NCAM2: variants seen among roughly 807,000 people sequenced by gnomAD.
NCAM2 encodes the protein N-CAM-2.
A neutral mutation model predicts 98.1 loss-of-function variants in NCAM2; 30 were observed. The observed-to-expected ratio is 0.31, with a 90% confidence interval of 0.23 to 0.41. The LOEUF (loss-of-function observed/expected upper bound fraction) is 0.41, where lower values mean the gene tolerates loss of function less well. Among genes scored for constraint, NCAM2 ranks in the 10% least tolerant of loss-of-function variants. The pLI is 1.00. For synonymous variants in NCAM2, 368 were observed against 342.4 expected, an observed-to-expected ratio of 1.07 and a Z score of -0.83; for missense variants, 867 against 1,005.8, an observed-to-expected ratio of 0.86 and a Z score of 1.87.
At chr21:21,098,806 G>A (rs2066178433) in intron 1 of NCAM2, among the ~76,000 whole-genome samples, 2 of 151,780 alleles carry the variant, frequency 1.3e-5, no homozygotes, top group Admixed American at 1.3e-4. Context: ...ATATCCTGAT[G>A]GCAGCAATTT....
At chr21:21,423,950 C>A (rs1394823682) in intron 11 of NCAM2, among the ~76,000 whole-genome samples, 1 of 152,080 alleles carries the variant, frequency 6.6e-6, no homozygotes, top group Admixed American at 6.6e-5. Context: ...GAATTATGGC[C>A]GATCTACTGG....
At chr21:21,258,431 CA>C (rs1319761432) in intron 1 of NCAM2, among the ~76,000 whole-genome samples, 1 of 152,102 alleles carries the variant, frequency 6.6e-6, no homozygotes, top group Non-Finnish European at 1.5e-5. Flanking sequence ...GTGAAAAAAA[CA>C]AAAGCAGAGA....
At chr21:21,169,165 G>T (rs1056659633) in intron 1 of NCAM2, among the ~76,000 whole-genome samples, 4 of 152,002 alleles carry the variant, frequency 2.6e-5, no homozygotes, top group Admixed American at 6.6e-5. Context: ...TTTGATAAAG[G>T]AGCAAAGGTA....
intron 16 of NCAM2, among the ~76,000 whole-genome samples, chr21:21,530,285 T>TAATTATATATAATTAAATTA (rs1251156902): frequency 1.6e-5 from 2 of 121,606 alleles, no homozygotes; most frequent in African/African-American, 3.2e-5. Flanking sequence ...TAATTTAATT[T>TAATTATATATAATTAAATTA]AATTATATAT....
intron 1 of NCAM2, among the ~76,000 whole-genome samples, chr21:21,170,532 CA>C (rs2068088602): frequency 6.6e-6 from 1 of 152,088 alleles, no homozygotes; most frequent in South Asian, 2.1e-4. Context: ...ACTCTGGAGA[CA>C]GCAAAATGAT....
intron 1 of NCAM2, 30 bp downstream of exon 1, chr21:20,998,648 T>C (rs1030869130): frequency 1.2e-5 from 19 of 1,607,546 alleles, no homozygotes; most frequent in Non-Finnish European, 1.4e-5. Flanking sequence ...TTGCATTTAC[T>C]TTCCCTCCCC....
chr21:21,343,675 A>C (rs1305568478), intron 8 of NCAM2, among the ~76,000 whole-genome samples: 1 of 152,158 alleles, frequency 6.6e-6, no homozygotes, highest in Non-Finnish European at 1.5e-5. Flanking sequence ...ACAGAGGGAC[A>C]ATTTAAACCA....
At chr21:21,258,922 T>A (rs1254186001) in intron 1 of NCAM2, among the ~76,000 whole-genome samples, 1 of 152,050 alleles carries the variant, frequency 6.6e-6, no homozygotes, top group African/African-American at 2.4e-5. Context: ...ATAAAGCTCA[T>A]CTTGGGACAA....
intron 1 of NCAM2, among the ~76,000 whole-genome samples, chr21:21,156,003 CTTCAG>C (rs1429484319): frequency 1.3e-5 from 2 of 151,904 alleles, no homozygotes; most frequent in African/African-American, 2.4e-5. Flanking sequence ...GTTCTTCTTA[CTTCAG>C]TTAAGTGTTC....
intron 1 of NCAM2, among the ~76,000 whole-genome samples, chr21:21,278,632 G>A (rs1041899434): frequency 2.6e-5 from 4 of 151,992 alleles, no homozygotes; most frequent in African/African-American, 9.7e-5. Context: ...CTGAGTATTG[G>A]TAAATTATGA....
chr21:21,172,583 G>A (rs1360073229), intron 1 of NCAM2, among the ~76,000 whole-genome samples: 1 of 151,914 alleles, frequency 6.6e-6, no homozygotes, highest in Non-Finnish European at 1.5e-5. Flanking sequence ...TATAAAGTTT[G>A]GCATAATTAT....
intron 17 of NCAM2, 152 bp downstream of exon 17, chr21:21,534,808 T>C (rs1340024613): frequency 2.5e-6 from 2 of 814,438 alleles, no homozygotes; most frequent in Non-Finnish European, 3.4e-6. Context: ...ATATCTAAAA[T>C]CCATTTTCTA....
chr21:21,311,917 T>C (rs7281663), intron 5 of NCAM2, among the ~76,000 whole-genome samples: 112,347 of 152,026 alleles, frequency 0.74, 41,653 homozygotes, highest in South Asian at 0.83. Context: ...GTTCCTTGAG[T>C]TTATATTGTA....
chr21:21,006,673 A>G (rs954850546), intron 1 of NCAM2, among the ~76,000 whole-genome samples: 2 of 152,226 alleles, frequency 1.3e-5, no homozygotes, highest in African/African-American at 4.8e-5. Flanking sequence ...TTCCTTTAGT[A>G]CAAGTATTCA....
intron 12 of NCAM2, among the ~76,000 whole-genome samples, chr21:21,441,047 C>CA (rs1431251714): frequency 2.0e-5 from 3 of 152,136 alleles, no homozygotes; most frequent in Admixed American, 6.5e-5. Flanking sequence ...TCAAAATTTT[C>CA]AAACATACTT....
At chr21:21,254,949 ATGTGTGTGTGTGTGTGTG>A (rs58330278) in intron 1 of NCAM2, among the ~76,000 whole-genome samples, 1 of 148,392 alleles carries the variant, frequency 6.7e-6, no homozygotes, top group Admixed American at 6.7e-5. Context: ...TAGCATATCT[ATGTGTGTGTGTGTGTGTG>A]TGTGTGTGTG....
chr21:21,257,162 T>C (rs1372813322), intron 1 of NCAM2, among the ~76,000 whole-genome samples: 1 of 152,168 alleles, frequency 6.6e-6, no homozygotes, highest in African/African-American at 2.4e-5. Context: ...AAGAAACCAG[T>C]TGTCTGAGAT....
chr21:21,395,402 A>C (rs561925493), intron 9 of NCAM2, among the ~76,000 whole-genome samples: 31 of 152,178 alleles, frequency 2.0e-4, no homozygotes, highest in Non-Finnish European at 4.3e-4. Flanking sequence ...TGGGTACATT[A>C]AAATGAAATA....
At chr21:21,074,380 T>C (rs1481964307) in intron 1 of NCAM2, among the ~76,000 whole-genome samples, 1 of 152,152 alleles carries the variant, frequency 6.6e-6, no homozygotes, top group Admixed American at 6.5e-5. Context: ...GATTAACATT[T>C]AATTTATTTT....
Sources: allele counts gnomAD v4.1 joint callset (sites outside exome capture counted in the v4.1 genomes callset), GRCh38; gene constraint gnomAD v4.1.1; transcripts MANE v1.5; gene names NCBI Gene and HGNC (gene_info 2026-07-23, HGNC 2026-07-21).